GBF1: variants seen among roughly 807,000 people sequenced by gnomAD.
GBF1 encodes the protein Golgi-specific brefeldin A-resistance guanine nucleotide exchange factor 1.
A neutral mutation model predicts 210.5 loss-of-function variants in GBF1; 114 were observed. The observed-to-expected ratio is 0.54, with a 90% CI of 0.47 to 0.63. The LOEUF (loss-of-function observed/expected upper bound fraction) is 0.63. Ranked by LOEUF, GBF1 falls within the 30% of genes least tolerant of loss-of-function variation. The probability of loss-of-function intolerance (pLI) is 0.00; values close to 1 mark genes in which losing one functional copy is unlikely to be tolerated. For missense variants in GBF1, 1,851 were observed against 2,357.7 expected (o/e 0.79, Z 4.45); for synonymous variants, 850 against 889.2 (o/e 0.96, Z 0.78).
chr10:102,271,895 G>A (rs2074465292), intron 3 of GBF1, among the ~76,000 whole-genome samples: 1 of 151,830 alleles, frequency 6.6e-6, no homozygotes, highest in Non-Finnish European at 1.5e-5. Context: ...GGGACTACAG[G>A]TGCATGCCAT....
At chr10:102,353,937 G>A (rs1306142297) in intron 8 of GBF1, among the ~76,000 whole-genome samples, 2 of 152,182 alleles carry the variant, frequency 1.3e-5, no homozygotes, top group Admixed American at 1.3e-4. Context: ...AAAAATGTCT[G>A]TTGACAAAGA....
At chr10:102,267,686 C>A (rs1204110798) in intron 3 of GBF1, among the ~76,000 whole-genome samples, 1 of 152,096 alleles carries the variant, frequency 6.6e-6, no homozygotes. Flanking sequence ...AGCTTTTGTT[C>A]CACTTGGAAT....
chr10:102,275,148 C>A (rs2074837423), intron 3 of GBF1, among the ~76,000 whole-genome samples: 1 of 152,054 alleles, frequency 6.6e-6, no homozygotes, highest in Non-Finnish European at 1.5e-5. Flanking sequence ...AGCCACTGCG[C>A]CCAGCCAAAA....
Position 102,363,829 on chromosome 10 carries a change from A to G in GBF1, c.2106+31A>G. On this transcript the variant is annotated intron_variant, in intron 17 of 39. Coordinates refer to ENST00000369983, the MANE Select transcript of GBF1 (RefSeq NM_001377137.1). This position sits in a 1 kb window ranked among gnomAD's most constrained non-coding sequence, Gnocchi z 4.2. Reference sequence around the variant, plus strand: ...TACATGTATTCCCCAGCCTCTGTCCACCTCTGTCTGGGTGTCCAGTGTTGT... The same window carrying G: ...TACATGTATTCCCCAGCCTCTGTCCGCCTCTGTCTGGGTGTCCAGTGTTGT... 2 of 1,288,264 alleles carry G rather than the reference A, an allele frequency of 1.6e-6. No homozygotes were observed. Among genetic ancestry groups the G allele is most frequent in the Non-Finnish European group, 2.3e-6 (2 of 883,894 alleles). The allele number at this position is 1,288,264 out of a possible 1,614,324, so 79.8% of individuals were successfully genotyped here. A position where few individuals can be genotyped will look rare whatever the true frequency, so the allele number is the denominator to read the frequency against.
Position 102,322,454 on chromosome 10 carries a change from T to A in GBF1, c.164-21597T>A, listed in dbSNP as rs189540310. Among the ~76,000 whole-genome samples, 11 of 152,306 alleles carry A rather than the reference T, an allele frequency of 7.2e-5. No homozygotes were observed. In the East Asian group the frequency reaches 2.1e-3, roughly 29 times the overall value. On this transcript the variant is annotated intron_variant, in intron 3 of 39. Coordinates refer to ENST00000369983, the MANE Select transcript of GBF1 (RefSeq NM_001377137.1). Reference sequence around the variant, plus strand: ...TTCTTGTTAGATTTATTCCTAAATATGTGTATGTTCAATTGCTAAAGGAAA... The same window carrying A: ...TTCTTGTTAGATTTATTCCTAAATAAGTGTATGTTCAATTGCTAAAGGAAA...
rs2134966298 is a variant in GBF1, at chr10:102,358,096, T to A, written c.697T>A (p.Ser233Thr). 1.2e-6 allele frequency: 2 copies of A among 1,609,646 alleles called. No homozygotes were observed. The highest frequency in any genetic ancestry group is 2.2e-5 in the East Asian group (1 of 44,858). ...DSSKWKKQKR[S>T]PRPPRHMTKV... ...ATCCAAATGGAAGAAACAGAAGAGA[T>A]CCCCTCGGCCCCCACGCCATATGAC... Residue 233 changes from serine (S) to threonine (T), a missense_variant, in exon 9 of 40, where the codon TCC (serine) becomes ACC (threonine). Ser to Thr is a moderately conservative substitution (Grantham distance 58). Transcript: ENST00000369983.
At chr10:102,252,202 G>T (rs538899129) in intron 1 of GBF1, among the ~76,000 whole-genome samples, 10 of 152,018 alleles carry the variant, frequency 6.6e-5, no homozygotes, top group Admixed American at 2.6e-4. Context: ...GGCCCGGCAT[G>T]GTGGCGCATG....
In GBF1 at chr10:102,358,710, C is replaced by A. The variant is rs2059428325; in HGVS notation, c.992C>A (p.Pro331His). 6.2e-7 allele frequency: 1 copy of A among 1,612,688 alleles called. No homozygotes were observed. The highest frequency in any genetic ancestry group is 8.5e-7 in the Non-Finnish European group (1 of 1,178,818). The change falls in exon 10 of 40, where the codon CCC becomes CAC. Residue 331 changes from proline to histidine, a missense_variant. By Grantham distance (77) the Pro-to-His change is moderately conservative (BLOSUM62 -2). Coordinates refer to ENST00000369983, the MANE Select transcript of GBF1 (RefSeq NM_001377137.1). ...TEPGSSELGV[P>H]EQPDLQQEGT... ...CCTGGAAGCAGTGAGCTAGGTGTTC[C>A]CGAGCAGCCTGACCTCCAGGTATGG...
At chr10:102,231,223 G>C in the GBF1 span, 5,572 of 988,798 alleles carry the variant, frequency 5.6e-3, 24 homozygotes, top group Non-Finnish European at 7.0e-3. Flanking sequence ...GAGGTGGCTA[G>C]AGACGGGGTG....
In GBF1 at chr10:102,292,314, T is replaced by TA. The variant is rs369664162; in HGVS notation, c.163+32206dup. Among the ~76,000 whole-genome samples the TA allele has an allele frequency of 2.8e-3, 426 of 151,652 alleles. 2 individuals carry two copies. The highest frequency in any genetic ancestry group is 4.2e-3 in the Non-Finnish European group (288 of 67,832). On this transcript the variant is annotated intron_variant, in intron 3 of 39. Coordinates refer to ENST00000369983, the MANE Select transcript of GBF1 (RefSeq NM_001377137.1). ...CAGAAAAGAAAAAAAAATTTAATGA[T>TA]AAAAAAAATAAGAAAATTGGACCAA...
At chr10:102,345,030 G>T (rs2058440193) in intron 4 of GBF1, among the ~76,000 whole-genome samples, 1 of 151,918 alleles carries the variant, frequency 6.6e-6, no homozygotes, top group Non-Finnish European at 1.5e-5. Flanking sequence ...ACGCCTGTAA[G>T]CCTAGCACTT....
the GBF1 span, among the ~76,000 whole-genome samples, chr10:102,234,523 C>G: frequency 6.6e-6 from 1 of 152,110 alleles, no homozygotes; most frequent in Non-Finnish European, 1.5e-5. Context: ...CAACAATGCT[C>G]TGATGGAAGG....
chr10:102,365,197 C>T (rs1291066280), intron 17 of GBF1, among the ~76,000 whole-genome samples, 200 bp from the exon 18 acceptor site: 3 of 152,148 alleles, frequency 2.0e-5, no homozygotes, highest in African/African-American at 7.2e-5. Context: ...TAAAAAAGAG[C>T]TCGTAAGCCA....
intron 23 of GBF1, 91 bp downstream of exon 23, chr10:102,368,923 C>T: frequency 2.3e-6 from 2 of 882,908 alleles, no homozygotes; most frequent in East Asian, 2.4e-5. Flanking sequence ...ACCTGGTTGC[C>T]CTCAGCGTCT....
chr10:102,273,014 A>T (rs1233810435), intron 3 of GBF1, among the ~76,000 whole-genome samples: 2 of 152,194 alleles, frequency 1.3e-5, no homozygotes, highest in African/African-American at 4.8e-5. Flanking sequence ...ACAATCAACC[A>T]GCAATAAAGG....
chr10:102,374,819 G>A (rs2060403793), intron 29 of GBF1, among the ~76,000 whole-genome samples: 1 of 152,084 alleles, frequency 6.6e-6, no homozygotes. Context: ...GTGTATAAGG[G>A]ACCTTTTTGT....
chr10:102,351,801 A>T, intron 5 of GBF1, 42 bp from the exon 6 acceptor site: 1 of 1,148,916 alleles, frequency 8.7e-7, no homozygotes, highest in Non-Finnish European at 1.3e-6. Flanking sequence ...AGTACCTCTC[A>T]GTACCTTGTT....
chr10:102,368,544 T>G (rs2135184557), intron 22 of GBF1, 90 bp downstream of exon 22: 2 of 886,472 alleles, frequency 2.3e-6, no homozygotes, highest in Non-Finnish European at 1.8e-6. Context: ...CTACTGTTAC[T>G]TCATTAGAAT....
At chr10:102,295,487 A>G (rs1353477329) in intron 3 of GBF1, among the ~76,000 whole-genome samples, 1 of 152,208 alleles carries the variant, frequency 6.6e-6, no homozygotes, top group Non-Finnish European at 1.5e-5. Context: ...TATTAAAGCA[A>G]TATTACTCTT....
Sources: allele counts gnomAD v4.1 joint callset (sites outside exome capture counted in the v4.1 genomes callset), GRCh38; gene constraint gnomAD v4.1.1; non-coding constraint Gnocchi (gnomAD v3.1); transcripts MANE v1.5; gene names NCBI Gene and HGNC (gene_info 2026-07-23, HGNC 2026-07-21).